Variants in ASIC2 observed in about 807,000 individuals in gnomAD.
ASIC2 encodes acid sensing ion channel subunit 2, also known as acid-sensing ion channel 2.
In ASIC2, 25 loss-of-function variants were observed where a neutral mutation model predicts 57.3. The ratio of observed to expected loss-of-function variants is 0.44; its 90% CI spans 0.32 to 0.61. The LOEUF is 0.61. Ranked by LOEUF, ASIC2 falls within the 20% of genes least tolerant of loss-of-function variation. The pLI is 0.06. For missense variants in ASIC2, 641 were observed against 738.1 expected, an observed-to-expected ratio of 0.87 and a Z score of 1.52; for synonymous variants, 319 against 307.5, an observed-to-expected ratio of 1.04 and a Z score of -0.39.
rs549997338 is a variant in ASIC2 at position 34,067,559 on chromosome 17, C to T, written c.555+88419G>A. The stretch of plus-strand genomic sequence containing the variant: ...ACAATTATAAGTATGAATACTTTGG[C>T]CCAATAATTTATTTCTAAAAAAACT... On this transcript the variant is annotated intron_variant, in intron 1 of 9. Coordinates refer to the ASIC2 transcript ENST00000359872. Among the ~76,000 whole-genome samples the T allele has an allele frequency of 4.6e-5, 7 of 152,084 alleles. 1 individual carries two copies. In the South Asian group the frequency reaches 1.5e-3, roughly 32 times the overall value.
At chr17:33,288,142 C>A (rs1241834922) in intron 1 of ASIC2, among the ~76,000 whole-genome samples, 1 of 152,066 alleles carries the variant, frequency 6.6e-6, no homozygotes, top group East Asian at 1.9e-4. Flanking sequence ...CACAGTCTAA[C>A]AGGTGTGATG....
At chr17:33,979,537 T>G (rs1905532230) in intron 1 of ASIC2, among the ~76,000 whole-genome samples, 3 of 152,312 alleles carry the variant, frequency 2.0e-5, no homozygotes, top group African/African-American at 7.2e-5. Context: ...CAGCCCTCTC[T>G]GCACTCGACC....
At chr17:33,422,772 A>G (rs913020978) in intron 1 of ASIC2, among the ~76,000 whole-genome samples, 1 of 152,180 alleles carries the variant, frequency 6.6e-6, no homozygotes, top group Non-Finnish European at 1.5e-5. Context: ...TTTGCATGCT[A>G]ATCTCCAGCC....
intron 1 of ASIC2, among the ~76,000 whole-genome samples, chr17:34,016,322 G>T (rs1906952213): frequency 6.6e-6 from 1 of 151,406 alleles, no homozygotes; most frequent in South Asian, 2.1e-4. Flanking sequence ...TACTCGGGAG[G>T]CTGAGGCAGG....
chr17:33,881,423 C>G (rs111612701), intron 1 of ASIC2, among the ~76,000 whole-genome samples: 91,482 of 151,240 alleles, frequency 0.6, 27,741 homozygotes, highest in South Asian at 0.67. Context: ...TCTCAGGATA[C>G]AAAATCAATG....
intron 1 of ASIC2, among the ~76,000 whole-genome samples, chr17:33,164,397 A>C (rs1905245213): frequency 1.3e-5 from 2 of 151,964 alleles, no homozygotes; most frequent in Non-Finnish European, 2.9e-5. Flanking sequence ...TCAAACATTA[A>C]TGCTCCCCAA....
chr17:33,639,246 G>C (rs1906475882), intron 1 of ASIC2, among the ~76,000 whole-genome samples: 1 of 152,002 alleles, frequency 6.6e-6, no homozygotes, highest in Non-Finnish European at 1.5e-5. Flanking sequence ...TTGGTAAACT[G>C]GCTAGCTTTG....
At chr17:33,668,269 GTTCTT>G (rs1907540870) in intron 1 of ASIC2, among the ~76,000 whole-genome samples, 2 of 56,014 alleles carry the variant, frequency 3.6e-5, no homozygotes, top group African/African-American at 1.2e-4. Flanking sequence ...CCAATCAAAT[GTTCTT>G]TTTTTTTTTT....
intron 1 of ASIC2, among the ~76,000 whole-genome samples, chr17:33,308,966 T>C (rs1377772700): frequency 1.3e-5 from 2 of 152,224 alleles, no homozygotes; most frequent in Non-Finnish European, 2.9e-5. Context: ...ATGTTCTACG[T>C]ATGTTGAACA....
intron 1 of ASIC2, among the ~76,000 whole-genome samples, chr17:33,358,303 A>G (rs1266902920): frequency 6.6e-6 from 1 of 152,214 alleles, no homozygotes; most frequent in Admixed American, 6.5e-5. Context: ...GGAGTCTAAA[A>G]TATTTACTAT....
rs11652836 is a variant in ASIC2, at chr17:33,894,354, T to C, written c.555+261624A>G. ...GCGTGCGTGCGTGCGTGCGTGCGTG[T>C]GTGTGTGTGTGTGTGTGTGTGTGTG... On this transcript the variant is annotated intron_variant, in intron 1 of 9. Transcript: ENST00000359872. Among the ~76,000 whole-genome samples the C allele has an allele frequency of 7.9e-3, 396 of 50,290 alleles. 1 individual carries two copies. The highest frequency in any genetic ancestry group is 0.027 in the East Asian group (61 of 2,264). 33.0% of individuals were successfully genotyped at this position (50,290 alleles called of 152,430 possible). A position where few individuals can be genotyped will look rare whatever the true frequency, so the allele number is the denominator to read the frequency against.
intron 1 of ASIC2, among the ~76,000 whole-genome samples, chr17:33,560,447 A>G (rs1916038905): frequency 6.6e-6 from 1 of 152,228 alleles, no homozygotes; most frequent in South Asian, 2.1e-4. Context: ...AGGAAATTTT[A>G]GATAAGGAAA....
intron 1 of ASIC2, among the ~76,000 whole-genome samples, chr17:33,439,168 T>C (rs939422324): frequency 6.6e-6 from 1 of 152,208 alleles, no homozygotes; most frequent in Admixed American, 6.5e-5. Flanking sequence ...CTTGCAGTGC[T>C]GTGGCACTGT....
chr17:33,673,191 G>T (rs113067877), intron 1 of ASIC2, among the ~76,000 whole-genome samples: 112 of 152,264 alleles, frequency 7.4e-4, no homozygotes, highest in African/African-American at 2.4e-3. Context: ...TGAAGGGAGA[G>T]AAACTGAGGA....
intron 1 of ASIC2, among the ~76,000 whole-genome samples, chr17:33,333,093 C>T (rs1356356265): frequency 6.6e-6 from 1 of 152,174 alleles, no homozygotes; most frequent in Admixed American, 6.5e-5. Context: ...AAGGAATTGG[C>T]CTTGGGGAAC....
chr17:33,165,913 A>G (rs1046863598), intron 1 of ASIC2, among the ~76,000 whole-genome samples: 1 of 152,152 alleles, frequency 6.6e-6, no homozygotes, highest in Non-Finnish European at 1.5e-5. Context: ...TTGGAGACCA[A>G]TTGACATATT....
intron 1 of ASIC2, among the ~76,000 whole-genome samples, chr17:33,355,807 T>A (rs1358947168): frequency 2.0e-5 from 3 of 152,198 alleles, no homozygotes; most frequent in African/African-American, 7.2e-5. Context: ...TACCTACTAA[T>A]TGCTAGGCAA....
Position 33,641,809 on chromosome 17 carries a change from C to T in ASIC2, c.555+514169G>A, listed in dbSNP as rs190242534. Among the ~76,000 whole-genome samples, 277 of 152,224 alleles carry T rather than the reference C, an allele frequency of 1.8e-3. 1 individual carries two copies. Among genetic ancestry groups the T allele is most frequent in the Non-Finnish European group, 2.9e-3 (199 of 68,010 alleles). On this transcript the variant is annotated intron_variant, in intron 1 of 9. Transcript: ENST00000359872. ...GCAGGGATGCCATTAGCACCAATTGCGTGGTCTGTACAAAAGGGACTGGAA... is the reference window on the plus strand; with the variant it reads ...GCAGGGATGCCATTAGCACCAATTGTGTGGTCTGTACAAAAGGGACTGGAA...
chr17:33,194,619 C>T (rs932624270), intron 1 of ASIC2, among the ~76,000 whole-genome samples: 2 of 151,912 alleles, frequency 1.3e-5, no homozygotes, highest in Admixed American at 6.6e-5. Context: ...TTATGTACAA[C>T]CTGAAGCCAT....
Sources: allele counts gnomAD v4.1 joint callset (sites outside exome capture counted in the v4.1 genomes callset), GRCh38; gene constraint gnomAD v4.1.1; transcripts MANE v1.5; gene names NCBI Gene and HGNC (gene_info 2026-07-23, HGNC 2026-07-21).